EPHA7: variants seen among roughly 807,000 people sequenced by gnomAD.
The protein encoded by EPHA7 is ephrin type-A receptor 7.
Under a neutral mutation model 112.6 loss-of-function variants are expected in EPHA7, and 25 were observed. The ratio of observed to expected loss-of-function variants is 0.22; its 90% CI spans 0.16 to 0.31. EPHA7 has a LOEUF of 0.31. Among genes scored for constraint, EPHA7 ranks in the 10% least tolerant of loss-of-function variants. The pLI, the probability that EPHA7 is intolerant of heterozygous loss-of-function variation, is 1.00. For synonymous variants in EPHA7, 437 were observed against 406.5 expected (o/e 1.07, Z -0.90); for missense variants, 962 against 1,212.6 (o/e 0.79, Z 3.07).
intron 3 of EPHA7, among the ~76,000 whole-genome samples, chr6:93,375,998 A>G (rs752168006): frequency 6.6e-6 from 1 of 152,212 alleles, no homozygotes; most frequent in Non-Finnish European, 1.5e-5. Context: ...CCATGTGGAC[A>G]TGGCAGAAGA....
chr6:93,389,289 T>C (rs1433182146), intron 3 of EPHA7, among the ~76,000 whole-genome samples: 1 of 152,094 alleles, frequency 6.6e-6, no homozygotes, highest in Non-Finnish European at 1.5e-5. Context: ...GTGCTAGTAC[T>C]TTGTGTGTAT....
chr6:93,285,574 G>A (rs923024609), intron 5 of EPHA7, among the ~76,000 whole-genome samples: 4 of 152,142 alleles, frequency 2.6e-5, no homozygotes, highest in Non-Finnish European at 5.9e-5. Context: ...ATGCAAAAGA[G>A]AAAAACCAAG....
At chr6:93,405,408 A>C (rs2127991270) in intron 3 of EPHA7, among the ~76,000 whole-genome samples, 1 of 151,948 alleles carries the variant, frequency 6.6e-6, no homozygotes. Flanking sequence ...TTCTTAGATA[A>C]ATTAACAGGT....
chr6:93,367,622 C>A (rs1485375488), intron 3 of EPHA7, among the ~76,000 whole-genome samples: 2 of 152,090 alleles, frequency 1.3e-5, no homozygotes, highest in Non-Finnish European at 2.9e-5. Context: ...TTAGAACACA[C>A]ACACACACAA....
intron 3 of EPHA7, among the ~76,000 whole-genome samples, chr6:93,359,739 T>C (rs1425121502): frequency 2.0e-5 from 3 of 152,014 alleles, no homozygotes; most frequent in Non-Finnish European, 4.4e-5. Context: ...CAAAATAATT[T>C]AGGGGGCATC....
chr6:93,333,926 A>G (rs1330127829), intron 5 of EPHA7, among the ~76,000 whole-genome samples: 2 of 151,986 alleles, frequency 1.3e-5, no homozygotes, highest in East Asian at 3.9e-4. Context: ...GAAATTGTTC[A>G]CATAATTAGA....
At chr6:93,265,203 T>C (rs955822469) in intron 7 of EPHA7, among the ~76,000 whole-genome samples, 2 of 151,684 alleles carry the variant, frequency 1.3e-5, no homozygotes, top group Non-Finnish European at 3.0e-5. Flanking sequence ...ATAAACATCA[T>C]AAATTTATAG....
chr6:93,311,112 C>CTTTTTTTTTT (rs1434719790), intron 5 of EPHA7, among the ~76,000 whole-genome samples: 3 of 70,998 alleles, frequency 4.2e-5, no homozygotes, highest in Non-Finnish European at 8.2e-5. Flanking sequence ...TCATGCCCAG[C>CTTTTTTTTTT]TATTTTTTTT....
chr6:93,392,013 T>G (rs78496719), intron 3 of EPHA7, among the ~76,000 whole-genome samples: 2 of 151,988 alleles, frequency 1.3e-5, no homozygotes, highest in East Asian at 3.9e-4. Flanking sequence ...CTAAATTTTT[T>G]AAATCATATG....
At position 93,241,562 on chromosome 6, in the gene EPHA7, A is replaced by C. The variant is rs1298271845; in HGVS notation, c.*1864T>G. 2 of 216,946 alleles carry C rather than the reference A, an allele frequency of 9.2e-6. No individual in the cohort carries two copies. The highest frequency in any genetic ancestry group is 1.9e-5 in the Non-Finnish European group (2 of 107,528). 13.4% of individuals were successfully genotyped at this position (216,946 alleles called of 1,614,324 possible). ...AAAACATTTTAGTGAAATTAAAATG[A>C]TTTTTCTAGTCAATCAAAAAATAAA... On this transcript the variant is annotated 3_prime_UTR_variant, in exon 17 of 17. Coordinates refer to ENST00000369303, the MANE Select transcript of EPHA7 (RefSeq NM_004440.4).
chr6:93,376,183 G>A (rs780329114), intron 3 of EPHA7, among the ~76,000 whole-genome samples: 5 of 151,838 alleles, frequency 3.3e-5, no homozygotes, highest in Admixed American at 6.6e-5. Flanking sequence ...TCACTCTGTC[G>A]CCCAGGAGAA....
intron 3 of EPHA7, among the ~76,000 whole-genome samples, chr6:93,391,807 C>A (rs1012316578): frequency 2.6e-5 from 4 of 151,584 alleles, no homozygotes; most frequent in Non-Finnish European, 5.9e-5. Flanking sequence ...CACTTTCTAA[C>A]CTATTGCTTC....
chr6:93,272,930 G>T (rs1440403182), intron 5 of EPHA7, among the ~76,000 whole-genome samples: 2 of 151,836 alleles, frequency 1.3e-5, no homozygotes, highest in Admixed American at 6.6e-5. Flanking sequence ...TACTCCCAAA[G>T]AATTCCAAAC....
rs1582612867 is a variant in EPHA7 at position 93,370,174 on chromosome 6, G to T, written c.833-11763C>A. Among the ~76,000 whole-genome samples, 8 of 152,204 alleles carry T rather than the reference G, an allele frequency of 5.3e-5. 1 individual carries two copies. In the South Asian group the frequency reaches 1.7e-3, roughly 32 times the overall value. Reference sequence around the variant, plus strand: ...ATTGAATACCTTCTCTGAACACAGGGGAGAAAAGGTCCAAGAGAAGGAAAA... The same window carrying T: ...ATTGAATACCTTCTCTGAACACAGGTGAGAAAAGGTCCAAGAGAAGGAAAA... On this transcript the variant is annotated intron_variant, in intron 3 of 16. Transcript: ENST00000369303.
rs1289662803 is a variant in EPHA7, at chr6:93,240,149, T to C, written c.*3277A>G. 3 of 224,062 alleles carry C rather than the reference T, an allele frequency of 1.3e-5. No homozygotes were observed. The highest frequency in any genetic ancestry group is 2.2e-5 in the African/African-American group (1 of 44,834). 13.9% of individuals were successfully genotyped at this position (224,062 alleles called of 1,614,324 possible). Reference sequence around the variant, plus strand: ...ACACTGTTCAAAAGCAGTTTGTCCTTATAAAAGGATGACCCCTGTAGTATT... The same window carrying C: ...ACACTGTTCAAAAGCAGTTTGTCCTCATAAAAGGATGACCCCTGTAGTATT... On this transcript the variant is annotated 3_prime_UTR_variant, in exon 17 of 17. Coordinates refer to ENST00000369303, the MANE Select transcript of EPHA7 (RefSeq NM_004440.4).
chr6:93,347,686 A>G (rs1339255623), intron 5 of EPHA7, among the ~76,000 whole-genome samples: 1 of 151,810 alleles, frequency 6.6e-6, no homozygotes, highest in East Asian at 1.9e-4. Flanking sequence ...TCAAGGTCCA[A>G]CAGATTTCAG....
At chr6:93,245,478 C>T (rs551033335) in intron 15 of EPHA7, 25 bp from the exon 16 acceptor site, 78 of 1,597,804 alleles carry the variant, frequency 4.9e-5, no homozygotes, top group Non-Finnish European at 6.1e-5. Flanking sequence ...AACAGAAAAG[C>T]GAACATTATC....
At chr6:93,270,280 ATTTAT>A (rs1270232830) in intron 6 of EPHA7, among the ~76,000 whole-genome samples, 1 of 151,490 alleles carries the variant, frequency 6.6e-6, no homozygotes, top group African/African-American at 2.4e-5. Flanking sequence ...TTTAAACATG[ATTTAT>A]TTCATTTTGT....
chr6:93,272,645 A>G (rs913931993), intron 5 of EPHA7, among the ~76,000 whole-genome samples: 38 of 151,992 alleles, frequency 2.5e-4, no homozygotes, highest in African/African-American at 8.2e-4. Context: ...AGCAGAAGAT[A>G]GCATTGTTCA....
Sources: gnomAD v4.1 joint callset for allele counts (sites outside exome capture counted in the v4.1 genomes callset) on GRCh38, gnomAD v4.1.1 for gene constraint, MANE v1.5 for transcripts, NCBI Gene and HGNC (gene_info 2026-07-23, HGNC 2026-07-21) for gene names.